The following ZCCHC14 variants were observed in gnomAD, a reference collection of about 807,000 sequenced individuals.
The protein encoded by ZCCHC14 is zinc finger CCHC domain-containing protein 14.
A neutral mutation model predicts 85.0 loss-of-function variants in ZCCHC14; 16 were observed. The ratio of observed to expected loss-of-function variants is 0.19; its 90% CI spans 0.13 to 0.29. The LOEUF (loss-of-function observed/expected upper bound fraction) is 0.29. Among genes scored for constraint, ZCCHC14 ranks in the 10% least tolerant of loss-of-function variants. The pLI, the probability that ZCCHC14 is intolerant of heterozygous loss-of-function variation, is 1.00. For synonymous variants in ZCCHC14, 775 were observed against 630.7 expected (o/e 1.23, Z -3.43); for missense variants, 1,303 against 1,443.5 (o/e 0.90, Z 1.58).
intron 1 of ZCCHC14, among the ~76,000 whole-genome samples, chr16:87,475,912 A>C (rs779433084): frequency 1.3e-5 from 2 of 152,104 alleles, no homozygotes; most frequent in Non-Finnish European, 1.5e-5. Flanking sequence ...CAGGACACCA[A>C]ATAAGATAAA....
In ZCCHC14 at chr16:87,412,293, G is replaced by A. The variant is rs1032523228; in HGVS notation, c.2428C>T (p.Arg810Trp). Residue 810 changes from arginine (R) to tryptophan (W), a missense_variant, in exon 12 of 13, where the codon CGG becomes TGG. Around this residue, in one of 7 missense-constraint regions of ZCCHC14, gnomAD observed 797 missense variants for 730.8 expected, o/e 1.09. Transcript: ENST00000671377. ...ISVPPAIINP[R>W]TALYTANTKV... ...GTGTTGGCTGTGTACAGAGCAGTCC[G>A]GGGGTTTATTATTGCAGGGGGCACA... The A allele has an allele frequency of 8.7e-6, 14 of 1,613,848 alleles. No individual in the cohort carries two copies. The highest frequency in any genetic ancestry group is 1.6e-4 in the Middle Eastern group (1 of 6,084).
In ZCCHC14 at chr16:87,411,696, C is replaced by A. The variant is rs550680890; in HGVS notation, c.3025G>T (p.Val1009Leu). The change falls in exon 12 of 13, where the codon GTG becomes TTG. Residue 1009 changes from valine to leucine, a missense_variant. Around this residue, in one of 7 missense-constraint regions of ZCCHC14, gnomAD observed 797 missense variants for 730.8 expected, o/e 1.09. Coordinates refer to ENST00000671377, the MANE Select transcript of ZCCHC14 (RefSeq NM_015144.3). Reference sequence around the variant, plus strand: ...GCCATGAAGTTCTGCATGGGTGGCACGGCAAACGTGGACTGCCCACTCAGG... The same window carrying A: ...GCCATGAAGTTCTGCATGGGTGGCAAGGCAAACGTGGACTGCCCACTCAGG... ...PVLSGQSTFA[V>L]PPMQNFMAGT... is the part of the protein sequence containing the mutation. The A allele has an allele frequency of 8.1e-6, 13 of 1,613,928 alleles. No homozygotes were observed. The East Asian group carries it at 1.8e-4, about 22-fold the overall frequency.
intron 3 of ZCCHC14, among the ~76,000 whole-genome samples, chr16:87,430,640 G>T (rs945764999): frequency 6.6e-6 from 1 of 151,728 alleles, no homozygotes; most frequent in African/African-American, 2.4e-5. Context: ...CCCGGCCTCA[G>T]CCTCCCGAGT....
At chr16:87,482,545 C>T (rs1207298869) in intron 1 of ZCCHC14, among the ~76,000 whole-genome samples, 2 of 152,152 alleles carry the variant, frequency 1.3e-5, no homozygotes, top group East Asian at 1.9e-4. Context: ...AAAACCCTTC[C>T]TGGGGATTCC....
rs116785674 is a variant in ZCCHC14 at position 87,469,321 on chromosome 16, T to A, written c.571-9190A>T. On this transcript the variant is annotated intron_variant, in intron 1 of 12. Transcript: ENST00000671377. Reference sequence around the variant, plus strand: ...GTACACAGATCAAATTATCTCCATGTTAAAAACAAGAAAAACTGAATGTCA... The same window carrying A: ...GTACACAGATCAAATTATCTCCATGATAAAAACAAGAAAAACTGAATGTCA... Among the ~76,000 whole-genome samples, 717 of 152,328 alleles carry A rather than the reference T, an allele frequency of 4.7e-3. 2 individuals are homozygous for A. Among genetic ancestry groups the A allele is most frequent in the African/African-American group, 0.016 (657 of 41,576 alleles).
chr16:87,410,214 C>CA lies in ZCCHC14; in HGVS notation c.*65dup, dbSNP rs1260755870. ...TAAGCTCAACAGCAACTAGACTTCTCAGTTTTGTATTTAATTTTCCTTATG... is the reference window on the plus strand; with the variant it reads ...TAAGCTCAACAGCAACTAGACTTCTCAAGTTTTGTATTTAATTTTCCTTATG... On this transcript the variant is annotated 3_prime_UTR_variant, in exon 13 of 13. Transcript: ENST00000671377. 1 of 665,244 alleles carries CA rather than the reference C, an allele frequency of 1.5e-6. No homozygotes were observed. The highest frequency in any genetic ancestry group is 1.8e-5 in the African/African-American group (1 of 54,178). The allele number at this position is 665,244 out of a possible 1,614,324, so 41.2% of individuals were successfully genotyped here.
intron 3 of ZCCHC14, among the ~76,000 whole-genome samples, chr16:87,427,929 G>A (rs1200481645): frequency 1.4e-5 from 2 of 143,188 alleles, no homozygotes; most frequent in African/African-American, 2.6e-5. Context: ...CACTGCACCT[G>A]GCCTCTATGA....
Position 87,412,881 on chromosome 16 carries a change from G to C in ZCCHC14, c.1840C>G (p.Leu614Val). 6.2e-7 allele frequency: 1 copy of C among 1,605,646 alleles called. No individual in the cohort carries two copies. Among genetic ancestry groups the C allele is most frequent in the Non-Finnish European group, 8.5e-7 (1 of 1,175,212 alleles). ...GAGCTGGCCTCATTCTGCACAGGGA[G>C]AACCTGGGCCGTGGGTCTGGCGGAA... ...SSSARPTAQV[L>V]PVQNEASSNP... Residue 614 changes from leucine to valine, a missense_variant, in exon 12 of 13, where the codon CTC becomes GTC. Leu to Val is a conservative substitution (Grantham distance 32). Coordinates refer to ENST00000671377, the MANE Select transcript of ZCCHC14 (RefSeq NM_015144.3).
intron 1 of ZCCHC14, chr16:87,467,760 T>G (rs1304653084): frequency 3.8e-6 from 2 of 526,622 alleles, no homozygotes; most frequent in Non-Finnish European, 6.9e-6. Context: ...CACACCATTC[T>G]CCTGCCTCAG....
At chr16:87,417,404 A>T in intron 8 of ZCCHC14, 56 bp downstream of exon 8, 2 of 1,580,984 alleles carry the variant, frequency 1.3e-6, no homozygotes, top group East Asian at 2.2e-5. Context: ...GCCCCCAGGG[A>T]GGTCTTGAGT....
At chr16:87,465,758 GCATGAATA>G (rs1248007260) in intron 1 of ZCCHC14, among the ~76,000 whole-genome samples, 3 of 152,206 alleles carry the variant, frequency 2.0e-5, no homozygotes, top group African/African-American at 7.2e-5. Context: ...TAATGCTGCT[GCATGAATA>G]TTTCAAGGTA....
chr16:87,412,438 C>T lies in ZCCHC14; in HGVS notation c.2283G>A (p.Gly761=), dbSNP rs762534212. The stretch of plus-strand genomic sequence containing the variant: ...CGGCGTGGAGGACTGTGCTGGGCGT[C>T]CCCGTGGCGGCCGTGCTGGTCTCCA... ...LVVETSTAAT[G]TPSTVLHAAR... Residue 761 remains glycine, a synonymous_variant, in exon 12 of 13, where the codon GGG becomes GGA. Transcript: ENST00000671377. 5 of 1,613,970 alleles carry T rather than the reference C, an allele frequency of 3.1e-6. No homozygotes were observed. Among genetic ancestry groups the T allele is most frequent in the Non-Finnish European group, 4.2e-6 (5 of 1,179,978 alleles).
chr16:87,424,503 T>G (rs1192834157), intron 3 of ZCCHC14, among the ~76,000 whole-genome samples: 1 of 152,176 alleles, frequency 6.6e-6, no homozygotes, highest in Admixed American at 6.5e-5. Flanking sequence ...CCAGCCCTTG[T>G]GAGCATCAGC....
At chr16:87,464,905 G>A (rs939229036) in intron 1 of ZCCHC14, among the ~76,000 whole-genome samples, 6 of 152,192 alleles carry the variant, frequency 3.9e-5, no homozygotes, top group South Asian at 2.1e-4. Flanking sequence ...TGATGTGCAC[G>A]AGAGGGAAGA....
At chr16:87,437,595 C>T (rs1365824689) in intron 2 of ZCCHC14, among the ~76,000 whole-genome samples, 1 of 152,202 alleles carries the variant, frequency 6.6e-6, no homozygotes, top group Non-Finnish European at 1.5e-5. Context: ...ACGGCTGGGG[C>T]AAAGGGACCC....
intron 1 of ZCCHC14, among the ~76,000 whole-genome samples, chr16:87,476,584 C>G (rs1230810369): frequency 2.0e-5 from 3 of 151,932 alleles, no homozygotes; most frequent in African/African-American, 7.3e-5. Flanking sequence ...AGTGTCATCT[C>G]TAGACCAGCC....
intron 3 of ZCCHC14, among the ~76,000 whole-genome samples, chr16:87,425,127 G>A (rs1417732174): frequency 2.6e-5 from 4 of 151,942 alleles, no homozygotes; most frequent in Non-Finnish European, 4.4e-5. Context: ...GTTTCATCAC[G>A]CCCTCATAAT....
At chr16:87,423,690 C>G in intron 4 of ZCCHC14, 120 bp downstream of exon 4, 1 of 1,136,198 alleles carries the variant, frequency 8.8e-7, no homozygotes, top group Non-Finnish European at 1.3e-6. Context: ...CAGGAGGCCC[C>G]GCCCTGCGCA....
chr16:87,440,310 G>C (rs921295564), intron 2 of ZCCHC14, among the ~76,000 whole-genome samples: 14 of 150,992 alleles, frequency 9.3e-5, no homozygotes, highest in Non-Finnish European at 1.6e-4. Context: ...GATTACAGGC[G>C]CACACCACCA....
Sources: gnomAD v4.1 joint callset for allele counts (sites outside exome capture counted in the v4.1 genomes callset) on GRCh38, gnomAD v4.1.1 for gene constraint, gnomAD v4.1.1 regional missense constraint, MANE v1.5 for transcripts, NCBI Gene and HGNC (gene_info 2026-07-23, HGNC 2026-07-21) for gene names.